PXK: variants seen among roughly 807,000 people sequenced by gnomAD.
The protein encoded by PXK is PX domain containing serine/threonine kinase like.
Under a neutral mutation model 84.7 loss-of-function variants are expected in PXK, and 35 were observed. That is an observed-to-expected ratio of 0.41 (90% CI 0.32 to 0.55). PXK has a LOEUF of 0.55. Ranked by LOEUF, PXK falls within the 20% of genes least tolerant of loss-of-function variation. The probability of loss-of-function intolerance (pLI) is 0.21; values close to 1 mark genes in which losing one functional copy is unlikely to be tolerated. For synonymous variants in PXK, 253 were observed against 260.8 expected, an observed-to-expected ratio of 0.97 and a Z score of 0.29; for missense variants, 634 against 699.7, an observed-to-expected ratio of 0.91 and a Z score of 1.06.
intron 7 of PXK, among the ~76,000 whole-genome samples, chr3:58,392,723 G>A (rs1333689238): frequency 1.3e-5 from 2 of 151,200 alleles, no homozygotes; most frequent in Non-Finnish European, 2.9e-5. Flanking sequence ...ATGCAGTGGT[G>A]CGATCTCGGC....
intron 2 of PXK, among the ~76,000 whole-genome samples, chr3:58,368,706 G>A (rs552421021): frequency 1.1e-4 from 17 of 152,322 alleles, no homozygotes; most frequent in Non-Finnish European, 2.2e-4. Context: ...TCTGAGCCCC[G>A]ATAGGGTTCT....
chr3:58,410,305 T>C lies in PXK; in HGVS notation c.1465+146T>C, dbSNP rs981172093. 2.0e-4 allele frequency: 113 copies of C among 578,126 alleles called. No individual in the cohort carries two copies. In the Admixed American group the frequency reaches 2.9e-3, roughly 15 times the overall value. The allele number at this position is 578,126 out of a possible 1,614,324, so 35.8% of individuals were successfully genotyped here. A position where few individuals can be genotyped will look rare whatever the true frequency, so the allele number is the denominator to read the frequency against. On this transcript the variant is annotated intron_variant, in intron 16 of 17. Coordinates refer to ENST00000356151, the MANE Select transcript of PXK (RefSeq NM_017771.5). ...GAGAACAAAATAACTCCGTCTCTAA[T>C]GAAAGATTGCAACAGTATTCGTAGG...
intron 1 of PXK, among the ~76,000 whole-genome samples, chr3:58,363,890 T>C (rs576251209): frequency 7.2e-4 from 110 of 152,316 alleles, no homozygotes; most frequent in Non-Finnish European, 1.4e-3. Context: ...TAGAACTTTT[T>C]CATCAACTTA....
chr3:58,413,179 G>A (rs1020882692), intron 17 of PXK: 1 of 598,920 alleles, frequency 1.7e-6, no homozygotes, highest in South Asian at 2.0e-5. Context: ...CCGGTTTCAG[G>A]GCCACTAGCC....
At chr3:58,410,988 C>T (rs189072152) in intron 16 of PXK, among the ~76,000 whole-genome samples, 100 of 152,240 alleles carry the variant, frequency 6.6e-4, no homozygotes, top group Admixed American at 4.3e-3. Flanking sequence ...GGTAGAAAGC[C>T]AAGGGGTTAG....
intron 7 of PXK, among the ~76,000 whole-genome samples, chr3:58,392,527 A>G (rs4681849): frequency 0.98 from 149,371 of 152,320 alleles, 73,299 homozygotes; most frequent in East Asian, 1. Flanking sequence ...TGGCAAGTTT[A>G]TTTTTGGCCA....
Position 58,333,417 on chromosome 3 carries a change from T to C in PXK, c.102+327T>C. ...CGGGATTCCCGGGCTCACCTTGGAC[T>C]AGGGGAGCAGGAACGAGACCGCTCA... On this transcript the variant is annotated intron_variant, in intron 1 of 17. Coordinates refer to ENST00000356151, the MANE Select transcript of PXK (RefSeq NM_017771.5). This position sits in a 1 kb window ranked among gnomAD's most constrained non-coding sequence, Gnocchi z 5.4. 3.0e-6 allele frequency: 1 copy of C among 329,462 alleles called. No homozygotes were observed. Among genetic ancestry groups the C allele is most frequent in the South Asian group, 2.2e-5 (1 of 44,986 alleles). The allele number at this position is 329,462 out of a possible 1,614,324, so 20.4% of individuals were successfully genotyped here.
chr3:58,399,121 G>A lies in PXK; in HGVS notation c.1103-178G>A, dbSNP rs2058171276. On this transcript the variant is annotated intron_variant, in intron 11 of 17. Transcript: ENST00000356151. The surrounding 1 kb of genome is among the most constrained non-coding windows in gnomAD (Gnocchi z 4.3). ...CCATTTCTTTTGAGTCATCGGTAACGCCAGTGTTGCCAGCATTCCCCCACC... is the reference window on the plus strand; with the variant it reads ...CCATTTCTTTTGAGTCATCGGTAACACCAGTGTTGCCAGCATTCCCCCACC... Among the ~76,000 whole-genome samples the A allele has an allele frequency of 6.6e-6, 1 of 152,124 alleles. No individual in the cohort carries two copies. Among genetic ancestry groups the A allele is most frequent in the Non-Finnish European group, 1.5e-5 (1 of 68,022 alleles).
chr3:58,409,439 A>G lies in PXK; in HGVS notation c.1309-93A>G, dbSNP rs894155557. 9.4e-6 allele frequency: 11 copies of G among 1,173,798 alleles called. No individual in the cohort carries two copies. The highest frequency in any genetic ancestry group is 2.4e-5 in the East Asian group (1 of 41,840). 72.7% of individuals were successfully genotyped at this position (1,173,798 alleles called of 1,614,324 possible). On this transcript the variant is annotated intron_variant, in intron 14 of 17. Transcript: ENST00000356151. This position sits in a 1 kb window ranked among gnomAD's most constrained non-coding sequence, Gnocchi z 4.2. ...GCAAGGAAAGATTTTCTTTTATCCC[A>G]ATAAAATGTGGTTTGCCAAAACATG...
chr3:58,361,436 C>G (rs921647327), intron 1 of PXK, among the ~76,000 whole-genome samples: 2 of 151,926 alleles, frequency 1.3e-5, no homozygotes, highest in Non-Finnish European at 2.9e-5. Context: ...ATAGAGAACA[C>G]TTCCATTATT....
intron 1 of PXK, among the ~76,000 whole-genome samples, chr3:58,353,569 C>T (rs2097990626): frequency 6.6e-6 from 1 of 152,174 alleles, no homozygotes. Context: ...GGAGTAATCA[C>T]TAATTCTAAG....
chr3:58,420,154 C>T (rs1383310941), intron 17 of PXK, among the ~76,000 whole-genome samples: 1 of 152,206 alleles, frequency 6.6e-6, no homozygotes, highest in Admixed American at 6.5e-5. Flanking sequence ...TAGAACTAAG[C>T]ACACTCCTCA....
rs765860309 is a variant in PXK at position 58,385,140 on chromosome 3, A to G, written c.388+2440A>G. On this transcript the variant is annotated intron_variant, in intron 4 of 17. Coordinates refer to ENST00000356151, the MANE Select transcript of PXK (RefSeq NM_017771.5). The surrounding 1 kb of genome is among the most constrained non-coding windows in gnomAD (Gnocchi z 5.1). The stretch of plus-strand genomic sequence containing the variant: ...ATCTCTACTCCCCCTCCCCACCCCC[A>G]GGCCTCCAGCATGGTAGAGAGTCAG... Among the ~76,000 whole-genome samples, 1 of 151,976 alleles carries G rather than the reference A, an allele frequency of 6.6e-6. No homozygotes were observed. Among genetic ancestry groups the G allele is most frequent in the Non-Finnish European group, 1.5e-5 (1 of 67,990 alleles).
At chr3:58,422,471 ACTGGAGCC>A (rs1342207798) in intron 17 of PXK, 37 of 985,306 alleles carry the variant, frequency 3.8e-5, no homozygotes, top group Non-Finnish European at 4.0e-5. Flanking sequence ...CATCTGCTTT[ACTGGAGCC>A]CTGGAGCCCT....
chr3:58,391,626 C>T (rs2098632415), intron 6 of PXK, 147 bp from the exon 7 acceptor site: 2 of 721,700 alleles, frequency 2.8e-6, no homozygotes, highest in Admixed American at 5.1e-5. Context: ...ACTGCTTCTC[C>T]AGAAAGGTCT....
In PXK at chr3:58,358,236, C is replaced by T. The variant is rs1406807639; in HGVS notation, c.103-7638C>T. Among the ~76,000 whole-genome samples, 5 of 152,288 alleles carry T rather than the reference C, an allele frequency of 3.3e-5. No individual in the cohort carries two copies. The South Asian group carries it at 1.0e-3, about 32-fold the overall frequency. ...AATCACCATGGTGTGCAGTAGATCA[C>T]CACAGCATATTCTTCGTGTCTTACT... On this transcript the variant is annotated intron_variant, in intron 1 of 17. Transcript: ENST00000356151.
At chr3:58,404,395 G>T (rs562964718) in intron 13 of PXK, among the ~76,000 whole-genome samples, 6 of 152,296 alleles carry the variant, frequency 3.9e-5, no homozygotes, top group African/African-American at 1.2e-4. Context: ...GGCTGCCTGT[G>T]CACGGTAGGA....
Position 58,333,139 on chromosome 3 carries a change from C to T in PXK, c.102+49C>T. The T allele has an allele frequency of 9.7e-7, 1 of 1,025,828 alleles. No homozygotes were observed. 63.5% of individuals were successfully genotyped at this position (1,025,828 alleles called of 1,614,324 possible). ...GGCGGCGTGGGGCGGCCCCGGGCCG[C>T]GAGGGGGCTGCGGGCTGCCTGGCGC... is the stretch of plus-strand genomic sequence containing the variant. On this transcript the variant is annotated intron_variant, in intron 1 of 17. Transcript: ENST00000356151. The surrounding 1 kb of genome is among the most constrained non-coding windows in gnomAD (Gnocchi z 5.4).
intron 12 of PXK, among the ~76,000 whole-genome samples, chr3:58,402,959 C>A (rs962953069): frequency 1.3e-5 from 2 of 151,930 alleles, no homozygotes; most frequent in African/African-American, 4.8e-5. Context: ...CCACCTCTCC[C>A]CCTAAATAGA....
Sources: gnomAD v4.1 joint callset for allele counts (sites outside exome capture counted in the v4.1 genomes callset) on GRCh38, gnomAD v4.1.1 for gene constraint, Gnocchi (gnomAD v3.1) non-coding constraint, MANE v1.5 for transcripts, NCBI Gene and HGNC (gene_info 2026-07-23, HGNC 2026-07-21) for gene names.